SLC25A40: variants seen among roughly 807,000 people sequenced by gnomAD.
The protein encoded by SLC25A40 is mitochondrial glutathione transporter SLC25A40.
A neutral mutation model predicts 46.5 loss-of-function variants in SLC25A40; 41 were observed. The observed-to-expected ratio is 0.88, with a 90% CI of 0.69 to 1.14. The LOEUF is 1.14. Ranked by LOEUF, SLC25A40 falls within the 50% of genes most tolerant of loss-of-function variation. The pLI is 0.00. For synonymous variants in SLC25A40, 126 were observed against 127.5 expected (o/e 0.99, Z 0.08); for missense variants, 386 against 393.6 (o/e 0.98, Z 0.16).
At chr7:87,868,749 T>C (rs140335857) in intron 1 of SLC25A40, among the ~76,000 whole-genome samples, 5 of 152,320 alleles carry the variant, frequency 3.3e-5, no homozygotes, top group African/African-American at 9.6e-5. Flanking sequence ...TATTCAGCTA[T>C]CCAGAAGCTC....
At position 87,840,258 on chromosome 7, in the gene SLC25A40, T is replaced by TA. The variant is rs1838311828; in HGVS notation, c.823+1374dup. Among the ~76,000 whole-genome samples, 8 of 151,788 alleles carry TA rather than the reference T, an allele frequency of 5.3e-5. No homozygotes were observed. In the South Asian group the frequency reaches 1.5e-3, roughly 28 times the overall value. On this transcript the variant is annotated intron_variant, in intron 10 of 11. Coordinates refer to ENST00000341119, the MANE Select transcript of SLC25A40 (RefSeq NM_018843.4). Reference sequence around the variant, plus strand: ...TCCCTGGTGCCAGTCTCAATGAAGATATATATCACCATCACTTAGGGATCA... The same window carrying TA: ...TCCCTGGTGCCAGTCTCAATGAAGATAATATATCACCATCACTTAGGGATCA...
intron 1 of SLC25A40, among the ~76,000 whole-genome samples, chr7:87,863,307 T>C (rs976355350): frequency 6.6e-6 from 1 of 152,154 alleles, no homozygotes; most frequent in African/African-American, 2.4e-5. Flanking sequence ...AATTTAATCA[T>C]GGAGGTGGTT....
intron 10 of SLC25A40, among the ~76,000 whole-genome samples, chr7:87,837,420 A>T (rs1481535374): frequency 6.6e-6 from 1 of 151,184 alleles, no homozygotes; most frequent in Non-Finnish European, 1.5e-5. Flanking sequence ...GTCCTGAGTT[A>T]TTACTACCTT....
chr7:87,870,584 C>T (rs1373483180), intron 1 of SLC25A40, among the ~76,000 whole-genome samples: 1 of 152,110 alleles, frequency 6.6e-6, no homozygotes, highest in African/African-American at 2.4e-5. Context: ...CCAAAACTAC[C>T]TATGACCTGC....
chr7:87,871,618 T>A (rs1405977551), intron 1 of SLC25A40, among the ~76,000 whole-genome samples: 1 of 152,242 alleles, frequency 6.6e-6, no homozygotes, highest in Non-Finnish European at 1.5e-5. Flanking sequence ...TTTGGTCTGG[T>A]TACATGGTGA....
intron 6 of SLC25A40, among the ~76,000 whole-genome samples, chr7:87,849,586 G>A (rs985959656): frequency 2.0e-5 from 3 of 152,160 alleles, no homozygotes; most frequent in East Asian, 1.9e-4. Flanking sequence ...ATGCCATAAG[G>A]GAGGACTTTG....
intron 11 of SLC25A40, 38 bp downstream of exon 11, chr7:87,836,692 C>A: frequency 1.5e-6 from 2 of 1,331,350 alleles, no homozygotes; most frequent in South Asian, 1.4e-5. Flanking sequence ...TAAAAGTAAT[C>A]ATTCTATTCA....
intron 1 of SLC25A40, among the ~76,000 whole-genome samples, chr7:87,870,878 G>A (rs1838886013): frequency 6.6e-6 from 1 of 152,130 alleles, no homozygotes; most frequent in African/African-American, 2.4e-5. Context: ...CCTCCTGGAT[G>A]CCCGACAAGA....
chr7:87,863,911 C>T (rs1258869034), intron 1 of SLC25A40, among the ~76,000 whole-genome samples: 1 of 152,168 alleles, frequency 6.6e-6, no homozygotes, highest in Non-Finnish European at 1.5e-5. Context: ...TTCATGAGAT[C>T]CACTTTTTTA....
At chr7:87,873,490 T>C (rs1455216817) in intron 1 of SLC25A40, among the ~76,000 whole-genome samples, 1 of 148,762 alleles carries the variant, frequency 6.7e-6, no homozygotes, top group Non-Finnish European at 1.5e-5. Flanking sequence ...TGGAGTGCAG[T>C]GGCGCAATTT....
intron 2 of SLC25A40, chr7:87,860,094 G>C (rs1235993504): frequency 6.6e-6 from 1 of 152,146 alleles, no homozygotes; most frequent in African/African-American, 2.4e-5. Flanking sequence ...TTCCGTGGGG[G>C]ACTGAGGCAT....
At chr7:87,848,169 G>A (rs551479601) in intron 6 of SLC25A40, among the ~76,000 whole-genome samples, 192 bp from the exon 7 acceptor site, 2 of 152,324 alleles carry the variant, frequency 1.3e-5, no homozygotes, top group South Asian at 4.1e-4. Flanking sequence ...TTAGTAGGCA[G>A]TAAAAAGATA....
intron 1 of SLC25A40, among the ~76,000 whole-genome samples, chr7:87,863,092 T>C (rs1428789414): frequency 6.6e-6 from 1 of 152,226 alleles, no homozygotes; most frequent in African/African-American, 2.4e-5. Flanking sequence ...TTGCCTCTTC[T>C]GTAGTATGTC....
At position 87,843,850 on chromosome 7, in the gene SLC25A40, A is replaced by T; in HGVS notation, c.645T>A (p.Tyr215Ter). The change falls in exon 9 of 12, where the codon TAT becomes TAA. Residue 215 changes from tyrosine (Y) to a stop codon, truncating the protein, a stop_gained. Transcript: ENST00000341119. LOFTEE classifies it high-confidence loss of function. The part of the protein sequence containing the change: ...RDVPFSAMYW[Y>*]NYEILKKWLC... ...ACCACTTCTTTAAAATTTCATAGTT[A>T]TACCAGTACATTGCTATAAAAACAG... 1 of 1,593,482 alleles carries T rather than the reference A, an allele frequency of 6.3e-7. No individual in the cohort carries two copies. The highest frequency in any genetic ancestry group is 8.6e-7 in the Non-Finnish European group (1 of 1,163,960).
chr7:87,870,099 T>C (rs568673531), intron 1 of SLC25A40, among the ~76,000 whole-genome samples: 1 of 152,098 alleles, frequency 6.6e-6, no homozygotes, highest in South Asian at 2.1e-4. Context: ...TATATCTTCT[T>C]TGGAGAAATA....
Position 87,839,362 on chromosome 7 carries a change from T to A in SLC25A40, c.823+2271A>T, listed in dbSNP as rs977380330. ...CTTAAATATTAAAACCAACGTACTATTTATTAAATCTATTAAATACTTAAA... is the reference window on the plus strand; with the variant it reads ...CTTAAATATTAAAACCAACGTACTAATTATTAAATCTATTAAATACTTAAA... On this transcript the variant is annotated intron_variant, in intron 10 of 11. Transcript: ENST00000341119. 1.4e-5 allele frequency among the ~76,000 whole-genome samples: 2 copies of A among 146,926 alleles called. 1 individual carries two copies. The highest frequency in any genetic ancestry group is 5.1e-5 in the African/African-American group (2 of 39,268).
chr7:87,867,213 C>T (rs924288765), intron 1 of SLC25A40, among the ~76,000 whole-genome samples: 8 of 152,188 alleles, frequency 5.3e-5, no homozygotes, highest in Non-Finnish European at 1.0e-4. Context: ...TACCTCAACT[C>T]CCTCTTGAAC....
intron 1 of SLC25A40, among the ~76,000 whole-genome samples, chr7:87,870,067 A>G (rs182628842): frequency 6.6e-6 from 1 of 152,222 alleles, no homozygotes. Context: ...TATGCATAAC[A>G]ATTATATCTT....
At chr7:87,842,068 A>C (rs573178596) in intron 9 of SLC25A40, 3 of 357,708 alleles carry the variant, frequency 8.4e-6, no homozygotes, top group Non-Finnish European at 1.7e-5. Flanking sequence ...GATACAACAC[A>C]TATGTCAAAG....
Sources: allele counts gnomAD v4.1 joint callset (sites outside exome capture counted in the v4.1 genomes callset), GRCh38; gene constraint gnomAD v4.1.1; transcripts MANE v1.5; gene names NCBI Gene and HGNC (gene_info 2026-07-23, HGNC 2026-07-21).